TMEM132D: variants seen among roughly 807,000 people sequenced by gnomAD.
The protein encoded by TMEM132D is mature OL transmembrane protein.
TMEM132D carries 21 observed loss-of-function variants against 62.3 expected under a neutral mutation model. That is an observed-to-expected ratio of 0.34 (90% confidence interval 0.24 to 0.49). TMEM132D has a LOEUF of 0.49. Ranked by LOEUF, TMEM132D falls within the 20% of genes least tolerant of loss-of-function variation. The pLI is 0.99. For synonymous variants in TMEM132D, 621 were observed against 575.6 expected (o/e 1.08, Z -1.13); for missense variants, 1,346 against 1,402.8 (o/e 0.96, Z 0.65).
intron 3 of TMEM132D, among the ~76,000 whole-genome samples, chr12:129,368,743 C>T (rs541466280): frequency 8.5e-4 from 129 of 151,502 alleles, no homozygotes; most frequent in Middle Eastern, 6.8e-3. Context: ...GAGACCAATT[C>T]ATTCAAGTTG....
chr12:129,209,479 T>G, intron 5 of TMEM132D, 41 bp downstream of exon 5: 1 of 1,609,668 alleles, frequency 6.2e-7, no homozygotes, highest in Non-Finnish European at 8.5e-7. Context: ...GAAGCTGACA[T>G]GACAGCAGGT....
intron 3 of TMEM132D, among the ~76,000 whole-genome samples, chr12:129,350,611 T>C (rs1869832751): frequency 6.6e-6 from 1 of 152,220 alleles, no homozygotes; most frequent in Non-Finnish European, 1.5e-5. Flanking sequence ...GAGTGACTTA[T>C]TTACTGAGTG....
chr12:129,438,612 G>A (rs1225411495), intron 3 of TMEM132D, among the ~76,000 whole-genome samples: 1 of 152,118 alleles, frequency 6.6e-6, no homozygotes, highest in Non-Finnish European at 1.5e-5. Flanking sequence ...TTTTCCTGGG[G>A]TGGGTGTAGG....
At chr12:129,296,190 T>C (rs544888300) in intron 4 of TMEM132D, among the ~76,000 whole-genome samples, 7 of 152,252 alleles carry the variant, frequency 4.6e-5, no homozygotes, top group African/African-American at 1.7e-4. Flanking sequence ...ACTGTAAATA[T>C]AAGTAAACAT....
At chr12:129,479,146 A>T (rs73429751) in intron 3 of TMEM132D, among the ~76,000 whole-genome samples, 1,565 of 152,308 alleles carry the variant, frequency 0.01, 31 homozygotes, top group African/African-American at 0.036. Flanking sequence ...TTTTGAGCCC[A>T]ACACAATTCC....
chr12:129,340,979 C>T (rs756267302), intron 3 of TMEM132D, among the ~76,000 whole-genome samples: 10 of 152,150 alleles, frequency 6.6e-5, no homozygotes, highest in South Asian at 2.1e-4. Flanking sequence ...GATTATGGAC[C>T]GAGTTCCTGA....
intron 1 of TMEM132D, among the ~76,000 whole-genome samples, chr12:129,711,228 G>A (rs1342689812): frequency 6.6e-6 from 1 of 152,186 alleles, no homozygotes; most frequent in African/African-American, 2.4e-5. Context: ...AACTTCCGTT[G>A]TTCCGGTATC....
intron 4 of TMEM132D, among the ~76,000 whole-genome samples, chr12:129,250,858 C>T (rs1164477191): frequency 1.3e-5 from 2 of 152,196 alleles, no homozygotes; most frequent in Non-Finnish European, 2.9e-5. Context: ...ATACTATTTC[C>T]ATGCCCAGGA....
At chr12:129,331,539 C>T (rs1326075368) in intron 4 of TMEM132D, among the ~76,000 whole-genome samples, 2 of 152,178 alleles carry the variant, frequency 1.3e-5, no homozygotes, top group Non-Finnish European at 2.9e-5. Context: ...AAGAGACCCG[C>T]CTGGGAGGGC....
In TMEM132D at chr12:129,903,612, T is replaced by A. The variant is rs1364263254; in HGVS notation, c.-273A>T. ...CCTTCGACCCCAACAGAATTTTTTT[T>A]AAATTTTAATCCACAGGGGGTATTT... On this transcript the variant is annotated 5_prime_UTR_variant, in exon 1 of 9. Coordinates refer to ENST00000422113, the MANE Select transcript of TMEM132D (RefSeq NM_133448.3). This position sits in a 1 kb window ranked among gnomAD's most constrained non-coding sequence, Gnocchi z 6.2. 141 of 489,110 alleles carry A rather than the reference T, an allele frequency of 2.9e-4. No homozygotes were observed. The highest frequency in any genetic ancestry group is 2.2e-3 in the Middle Eastern group (4 of 1,788). The allele number at this position is 489,110 out of a possible 1,614,324, so 30.3% of individuals were successfully genotyped here. A position where few individuals can be genotyped will look rare whatever the true frequency, so the allele number is the denominator to read the frequency against.
chr12:129,720,701 G>A (rs560199225), intron 1 of TMEM132D, among the ~76,000 whole-genome samples: 5 of 152,272 alleles, frequency 3.3e-5, no homozygotes, highest in African/African-American at 9.6e-5. Context: ...CATCGTCTCC[G>A]AATTTCTGCC....
intron 4 of TMEM132D, among the ~76,000 whole-genome samples, chr12:129,264,260 G>A (rs535420344): frequency 4.6e-5 from 7 of 152,260 alleles, no homozygotes; most frequent in African/African-American, 1.7e-4. Flanking sequence ...ATGGTAACAC[G>A]AGCCTGTAGT....
rs527242382 is a variant in TMEM132D, at chr12:129,649,934, GTA to G, written c.968+49874_968+49875del. Reference sequence around the variant, plus strand: ...TGTGTACGTGTGTGTGTATGTTTATGTATGTGTGTGTGTGTGTATGTGTATAT... The same window carrying G: ...TGTGTACGTGTGTGTGTATGTTTATGTGTGTGTGTGTGTGTATGTGTATAT... On this transcript the variant is annotated intron_variant, in intron 2 of 8. Coordinates refer to ENST00000422113, the MANE Select transcript of TMEM132D (RefSeq NM_133448.3). Among the ~76,000 whole-genome samples, 398 of 151,834 alleles carry G rather than the reference GTA, an allele frequency of 2.6e-3. 3 individuals are homozygous for G. Among genetic ancestry groups the G allele is most frequent in the African/African-American group, 8.5e-3 (353 of 41,352 alleles).
At chr12:129,515,488 C>T (rs2200254) in intron 3 of TMEM132D, among the ~76,000 whole-genome samples, 35,696 of 151,978 alleles carry the variant, frequency 0.23, 5,084 homozygotes, top group African/African-American at 0.41. Context: ...TGGTCATGAT[C>T]CTAGGGCCCA....
rs1468714690 is a variant in TMEM132D, at chr12:129,146,981, T to C, written c.1444-62279A>G. 2.6e-5 allele frequency among the ~76,000 whole-genome samples: 4 copies of C among 152,162 alleles called. No individual in the cohort carries two copies. In the East Asian group the frequency reaches 7.7e-4, roughly 29 times the overall value. On this transcript the variant is annotated intron_variant, in intron 5 of 8. Coordinates refer to ENST00000422113, the MANE Select transcript of TMEM132D (RefSeq NM_133448.3). The stretch of plus-strand genomic sequence containing the variant: ...ATTGCAAAGATTCAAACCTAGCAAT[T>C]TGGCTCTGGAATCCACTTTGTTAAA...
In TMEM132D at chr12:129,479,654, T is replaced by G. The variant is rs185232549; in HGVS notation, c.1115+51405A>C. Among the ~76,000 whole-genome samples, 7 of 152,272 alleles carry G rather than the reference T, an allele frequency of 4.6e-5. No homozygotes were observed. The East Asian group carries it at 1.3e-3, about 29-fold the overall frequency. On this transcript the variant is annotated intron_variant, in intron 3 of 8. Transcript: ENST00000422113. ...AGTATGTGAGAAGCTGATAGTGTCA[T>G]AAAAAAGTAAAGCCCGTGTGAGGGT... is the stretch of plus-strand genomic sequence containing the variant.
At position 129,371,791 on chromosome 12, in the gene TMEM132D, T is replaced by C. The variant is rs1870612065; in HGVS notation, c.1116-33974A>G. ...TACGTATCTGCTGAACCTAGTTCAG[T>C]GTGTGGTGATATCAAGAGACTTTCC... On this transcript the variant is annotated intron_variant, in intron 3 of 8. Coordinates refer to ENST00000422113, the MANE Select transcript of TMEM132D (RefSeq NM_133448.3). This position sits in a 1 kb window ranked among gnomAD's most constrained non-coding sequence, Gnocchi z 4.3. 6.6e-6 allele frequency among the ~76,000 whole-genome samples: 1 copy of C among 152,056 alleles called. No individual in the cohort carries two copies. Among genetic ancestry groups the C allele is most frequent in the Non-Finnish European group, 1.5e-5 (1 of 68,004 alleles).
At chr12:129,873,263 G>A (rs1290917488) in intron 1 of TMEM132D, among the ~76,000 whole-genome samples, 2 of 152,102 alleles carry the variant, frequency 1.3e-5, no homozygotes, top group Non-Finnish European at 1.5e-5. Flanking sequence ...TGATAGAAGA[G>A]GGGGCCTCCG....
chr12:129,566,754 C>G (rs1877378972), intron 2 of TMEM132D, among the ~76,000 whole-genome samples: 8 of 152,118 alleles, frequency 5.3e-5, no homozygotes, highest in Admixed American at 5.2e-4. Flanking sequence ...CATTTTATGT[C>G]TGATAAAAAA....
Sources: allele counts gnomAD v4.1 joint callset (sites outside exome capture counted in the v4.1 genomes callset), GRCh38; gene constraint gnomAD v4.1.1; non-coding constraint Gnocchi (gnomAD v3.1); transcripts MANE v1.5; gene names NCBI Gene and HGNC (gene_info 2026-07-23, HGNC 2026-07-21).